The following MAPK9 variants were observed in gnomAD, a reference collection of about 807,000 sequenced individuals.
MAPK9 encodes the protein Jun kinase.
In MAPK9, 30 loss-of-function variants were observed where a neutral mutation model predicts 57.1. That is an observed-to-expected ratio of 0.53 (90% CI 0.39 to 0.71). MAPK9 has a LOEUF of 0.71. Ranked by LOEUF, MAPK9 falls within the 30% of genes least tolerant of loss-of-function variation. MAPK9 has a pLI of 0.00. For synonymous variants in MAPK9, 155 were observed against 177.0 expected (o/e 0.88, Z 0.99); for missense variants, 362 against 521.0 (o/e 0.69, Z 2.97).
At chr5:180,264,651 G>T in intron 4 of MAPK9, 130 bp downstream of exon 4, 1 of 823,422 alleles carries the variant, frequency 1.2e-6, no homozygotes. Flanking sequence ...CTCTGCAACA[G>T]AGAAAGTTAT....
intron 11 of MAPK9, chr5:180,236,828 A>G: frequency 4.8e-6 from 1 of 208,870 alleles, no homozygotes; most frequent in Non-Finnish European, 9.5e-6. Context: ...GCTGCTTTCA[A>G]GCAGACATCA....
chr5:180,253,065 G>C (rs963340212), intron 5 of MAPK9, among the ~76,000 whole-genome samples: 4 of 152,186 alleles, frequency 2.6e-5, no homozygotes, highest in Non-Finnish European at 5.9e-5. Context: ...GCCCAGTGTG[G>C]TGTCTGCACC....
At position 180,291,871 on chromosome 5, in the gene MAPK9, CGGGGAGAGGGCGGGCGGGCGGACT is replaced by C. The variant is rs923221821; in HGVS notation, c.-95_-72del. On this transcript the variant is annotated 5_prime_UTR_variant, in exon 1 of 12. Coordinates refer to ENST00000452135, the MANE Select transcript of MAPK9 (RefSeq NM_002752.5). ...ACCTCGCCTCCCCGCCGCCGCGCCA[CGGGGAGAGGGCGGGCGGGCGGACT>C]GGCGGCGCTGCGTGCTAGTCACTCC... 1.6e-4 allele frequency: 23 copies of C among 147,184 alleles called. No individual in the cohort carries two copies. The highest frequency in any genetic ancestry group is 3.2e-4 in the Non-Finnish European group (21 of 65,844). 9.1% of individuals were successfully genotyped at this position (147,184 alleles called of 1,614,324 possible).
intron 8 of MAPK9, 149 bp from the exon 9 acceptor site, chr5:180,241,304 A>C (rs1021377141): frequency 1.9e-6 from 1 of 523,878 alleles, no homozygotes; most frequent in East Asian, 4.9e-5. Flanking sequence ...ATAACCCAAA[A>C]TTTTTTTTTT....
chr5:180,241,281 G>T, intron 8 of MAPK9, 126 bp from the exon 9 acceptor site: 6 of 1,023,782 alleles, frequency 5.9e-6, no homozygotes, highest in Non-Finnish European at 8.1e-6. Context: ...TGTTTGATAG[G>T]TTCAAGATGA....
chr5:180,262,016 T>C (rs1011407307), intron 4 of MAPK9, among the ~76,000 whole-genome samples, 194 bp from the exon 5 acceptor site: 1 of 147,116 alleles, frequency 6.8e-6, no homozygotes, highest in Non-Finnish European at 1.5e-5. Flanking sequence ...AGTTAAAAAT[T>C]AAAAAAAAAA....
chr5:180,242,831 T>C, intron 7 of MAPK9, 76 bp from the exon 8 acceptor site: 1 of 1,159,452 alleles, frequency 8.6e-7, no homozygotes, highest in Non-Finnish European at 1.2e-6. Flanking sequence ...ACTTGAATAA[T>C]ATTTAAACCT....
chr5:180,270,705 G>A (rs1202674643), intron 2 of MAPK9, among the ~76,000 whole-genome samples: 2 of 151,904 alleles, frequency 1.3e-5, no homozygotes, highest in African/African-American at 2.4e-5. Flanking sequence ...ACAAAGATTA[G>A]CTGAGTGTGG....
At chr5:180,238,257 G>T in intron 11 of MAPK9, 75 bp downstream of exon 11, 1 of 1,198,514 alleles carries the variant, frequency 8.3e-7, no homozygotes, top group South Asian at 1.3e-5. Flanking sequence ...GCGACAGAAC[G>T]AAACTCTGTC....
At chr5:180,278,945 C>A (rs1762067195) in intron 2 of MAPK9, among the ~76,000 whole-genome samples, 1 of 151,458 alleles carries the variant, frequency 6.6e-6, no homozygotes, top group Non-Finnish European at 1.5e-5. Context: ...CCATCCTCCA[C>A]TAACTTTAAA....
rs139697434 is a variant in MAPK9, at chr5:180,276,223, A to T, written c.122+4217T>A. On this transcript the variant is annotated intron_variant, in intron 2 of 11. Transcript: ENST00000452135. ...TAATAGAAAATAAACCATGTTAAGA[A>T]CAGGCCAGTACTCATGTTTATACAG... 3.5e-3 allele frequency among the ~76,000 whole-genome samples: 528 copies of T among 152,334 alleles called. 1 individual carries two copies. Among genetic ancestry groups the T allele is most frequent in the Non-Finnish European group, 6.4e-3 (434 of 68,036 alleles).
intron 1 of MAPK9, among the ~76,000 whole-genome samples, chr5:180,281,848 G>A (rs931151288): frequency 1.1e-4 from 16 of 152,220 alleles, no homozygotes; most frequent in Non-Finnish European, 1.3e-4. Flanking sequence ...CACTCCTGCC[G>A]AGGTGTGTTA....
chr5:180,253,428 A>T (rs1398840883), intron 5 of MAPK9: 1 of 152,400 alleles, frequency 6.6e-6, no homozygotes, highest in South Asian at 2.1e-4. Context: ...GCCAACCTCT[A>T]TAAATGGCCA....
At chr5:180,283,750 A>C (rs1027067671) in intron 1 of MAPK9, among the ~76,000 whole-genome samples, 4 of 152,224 alleles carry the variant, frequency 2.6e-5, no homozygotes, top group Admixed American at 2.6e-4. Context: ...AGCCTGGCCA[A>C]CATGGTGAAG....
At chr5:180,290,218 G>A (rs574120810) in intron 1 of MAPK9, among the ~76,000 whole-genome samples, 6 of 152,286 alleles carry the variant, frequency 3.9e-5, no homozygotes, top group African/African-American at 9.6e-5. Context: ...GGGTCCCCAC[G>A]ACTCTGTGTC....
At chr5:180,244,297 CCT>C (rs1232469243) in intron 7 of MAPK9, among the ~76,000 whole-genome samples, 1 of 152,178 alleles carries the variant, frequency 6.6e-6, no homozygotes, top group Admixed American at 6.5e-5. Flanking sequence ...CCCTAACCCC[CCT>C]GACTCAAGGA....
chr5:180,239,844 T>C, intron 10 of MAPK9, 80 bp downstream of exon 10: 1 of 1,382,290 alleles, frequency 7.2e-7, no homozygotes, highest in Non-Finnish European at 1.0e-6. Context: ...TGAAGGGAAA[T>C]GTCACAAAAT....
intron 1 of MAPK9, among the ~76,000 whole-genome samples, chr5:180,288,881 A>G (rs2127635548): frequency 6.6e-6 from 1 of 152,362 alleles, no homozygotes; most frequent in Admixed American, 6.5e-5. Context: ...TAACTGTTAA[A>G]GCAGGACACT....
rs200458599 is a variant in MAPK9 at position 180,236,388 on chromosome 5, C to G, written c.1271G>C (p.Arg424Pro). The change falls in exon 12 of 12, where the codon CGA becomes CCA. Residue 424 changes from arginine to proline, a missense_variant. Arg to Pro is a moderately radical substitution (Grantham distance 103). This residue lies in a region of MAPK9 where 199 missense variants were observed against 251.3 expected (regional missense o/e 0.79). Transcript: ENST00000452135. ...AGGTTTGCTATTTCTAACCTATCAT[C>G]GACAGCCTTCAAGGGGTCCCGTCGA... is the stretch of plus-strand genomic sequence containing the variant. Reference protein sequence around the residue: ...DASTGPLEGCR With the variant: ...DASTGPLEGCP The G allele has an allele frequency of 6.2e-7, 1 of 1,609,126 alleles. No individual in the cohort carries two copies. Among genetic ancestry groups the G allele is most frequent in the South Asian group, 1.1e-5 (1 of 90,700 alleles).
Sources: allele counts gnomAD v4.1 joint callset (sites outside exome capture counted in the v4.1 genomes callset), GRCh38; gene constraint gnomAD v4.1.1; regional missense constraint gnomAD v4.1.1; transcripts MANE v1.5; gene names NCBI Gene and HGNC (gene_info 2026-07-23, HGNC 2026-07-21).